The following HACD4 variants were observed in gnomAD, a reference collection of about 807,000 sequenced individuals.
HACD4 encodes 3-hydroxyacyl-CoA dehydratase 4, also known as very-long-chain (3R)-3-hydroxyacyl-CoA dehydratase 4.
HACD4 carries 35 observed loss-of-function variants against 33.3 expected under a neutral mutation model. The ratio of observed to expected loss-of-function variants is 1.05; its 90% CI spans 0.80 to 1.39. HACD4 has a LOEUF of 1.39. Ranked by LOEUF, HACD4 falls within the 40% of genes most tolerant of loss-of-function variation. The probability of loss-of-function intolerance (pLI) is 0.00; values close to 1 mark genes in which losing one functional copy is unlikely to be tolerated. For missense variants in HACD4, 323 were observed against 276.5 expected (o/e 1.17, Z -1.19); for synonymous variants, 118 against 98.0 (o/e 1.20, Z -1.21).
Position 21,003,196 on chromosome 9 carries a change from A to C in HACD4, c.*3841T>G, listed in dbSNP as rs969460669. The C allele has an allele frequency of 5.3e-5, 8 of 152,030 alleles. No homozygotes were observed. The highest frequency in any genetic ancestry group is 7.4e-5 in the Non-Finnish European group (5 of 67,962). 9.4% of individuals were successfully genotyped at this position (152,030 alleles called of 1,614,324 possible). On this transcript the variant is annotated 3_prime_UTR_variant, in exon 7 of 7. Transcript: ENST00000495827. ...TCTGTTTTAAAATAATTATAAATTC[A>C]CTTGTGTTTCTTTTGGTTTTCAATT...
Position 21,004,501 on chromosome 9 carries a change from CAATAAGAAAT to C in HACD4, c.*2526_*2535del, listed in dbSNP as rs749505085. ...TTCATAAATGGGATTAGTACCTTTA[CAATAAGAAAT>C]AAGGGAGAGATGGTTTCTCCCTCCA... On this transcript the variant is annotated 3_prime_UTR_variant, in exon 7 of 7. Coordinates refer to ENST00000495827, the MANE Select transcript of HACD4 (RefSeq NM_001010915.5). The surrounding 1 kb of genome is among the most constrained non-coding windows in gnomAD (Gnocchi z 4.6). 1 of 152,104 alleles carries C rather than the reference CAATAAGAAAT, an allele frequency of 6.6e-6. No homozygotes were observed. Among genetic ancestry groups the C allele is most frequent in the Non-Finnish European group, 1.5e-5 (1 of 68,018 alleles). 9.4% of individuals were successfully genotyped at this position (152,104 alleles called of 1,614,324 possible).
intron 3 of HACD4, among the ~76,000 whole-genome samples, chr9:21,016,216 T>A (rs7019724): frequency 2.0e-5 from 3 of 152,182 alleles, no homozygotes; most frequent in Non-Finnish European, 4.4e-5. Context: ...AAATAATATA[T>A]AATGAATGAA....
chr9:21,015,347 G>A (rs1361157082), intron 4 of HACD4: 1 of 152,184 alleles, frequency 6.6e-6, no homozygotes, highest in Non-Finnish European at 1.5e-5. Context: ...CTGAGCAAAG[G>A]GGACTGTTTG....
chr9:21,021,757 A>C (rs1817919358), intron 3 of HACD4, among the ~76,000 whole-genome samples: 1 of 152,224 alleles, frequency 6.6e-6, no homozygotes, highest in African/African-American at 2.4e-5. Context: ...AGAACATTCC[A>C]TGCTCATGGG....
rs375893397 is a variant in HACD4, at chr9:21,002,126, T to C, written c.*4911A>G. ...GACAGAGATATAAAGAGCAGAATTT[T>C]TGTATATTTTTGAAGTTCAGCTGGC... is the stretch of plus-strand genomic sequence containing the variant. On this transcript the variant is annotated 3_prime_UTR_variant, in exon 7 of 7. Transcript: ENST00000495827. 2 of 152,252 alleles carry C rather than the reference T, an allele frequency of 1.3e-5. No individual in the cohort carries two copies. The highest frequency in any genetic ancestry group is 1.9e-4 in the East Asian group (1 of 5,194). 9.4% of individuals were successfully genotyped at this position (152,252 alleles called of 1,614,324 possible).
In HACD4 at chr9:21,026,607, T is replaced by C. The variant is rs1477951153; in HGVS notation, c.259A>G (p.Arg87Gly). 3.7e-6 allele frequency: 6 copies of C among 1,611,608 alleles called. No individual in the cohort carries two copies. Among genetic ancestry groups the C allele is most frequent in the Non-Finnish European group, 8.5e-7 (1 of 1,178,992 alleles). Residue 87 changes from arginine (R) to glycine (G), a missense_variant, in exon 3 of 7, where the codon AGG becomes GGG. By Grantham distance (125) the Arg-to-Gly change is moderately radical. Transcript: ENST00000495827. ...TGATTCAAACCTACCTGCAAAAACCTTGGGAGAAGATGGTTTGACTCAATG... is the reference window on the plus strand; with the variant it reads ...TGATTCAAACCTACCTGCAAAAACCCTGGGAGAAGATGGTTTGACTCAATG... ...VGIESNHLLP[R>G]FLQLTERIII...
chr9:21,012,590 T>A (rs1842462602), intron 4 of HACD4, among the ~76,000 whole-genome samples: 1 of 152,214 alleles, frequency 6.6e-6, no homozygotes, highest in African/African-American at 2.4e-5. Flanking sequence ...TTCAAAAATG[T>A]TTTTGCATTT....
In HACD4 at chr9:21,000,193, C is replaced by T. The variant is rs541341059; in HGVS notation, c.*6844G>A. The T allele has an allele frequency of 6.6e-6, 1 of 152,078 alleles. No homozygotes were observed. The highest frequency in any genetic ancestry group is 1.5e-5 in the Non-Finnish European group (1 of 67,994). 9.4% of individuals were successfully genotyped at this position (152,078 alleles called of 1,614,324 possible). A position where few individuals can be genotyped will look rare whatever the true frequency, so the allele number is the denominator to read the frequency against. Reference sequence around the variant, plus strand: ...TTGACTTTCATATGGAATTAACTAACCTTATTTTAGATGAGATTTAAAACT... The same window carrying T: ...TTGACTTTCATATGGAATTAACTAATCTTATTTTAGATGAGATTTAAAACT... On this transcript the variant is annotated 3_prime_UTR_variant, in exon 7 of 7. Transcript: ENST00000495827.
Position 21,013,593 on chromosome 9 carries a change from G to T in HACD4, c.384-1898C>A, listed in dbSNP as rs373514135. Among the ~76,000 whole-genome samples, 86 of 152,294 alleles carry T rather than the reference G, an allele frequency of 5.6e-4. 2 individuals carry two copies. Among genetic ancestry groups the T allele is most frequent in the African/African-American group, 1.9e-3 (79 of 41,568 alleles). On this transcript the variant is annotated intron_variant, in intron 4 of 6. Coordinates refer to ENST00000495827, the MANE Select transcript of HACD4 (RefSeq NM_001010915.5). ...CACTGAATCTACAGATCAATTTGGG[G>T]AATATTGCCATCTGAACAATATTAA...
intron 3 of HACD4, among the ~76,000 whole-genome samples, chr9:21,018,660 T>C (rs1445145997): frequency 6.6e-6 from 1 of 152,104 alleles, no homozygotes; most frequent in Admixed American, 6.6e-5. Flanking sequence ...CCTGTGAAAA[T>C]ATGACAAATT....
Position 21,012,536 on chromosome 9 carries a change from C to T in HACD4, c.384-841G>A, listed in dbSNP as rs185437695. ...CTCTCTCAATCCAGGACCTGAATTC[C>T]ACCCCTCAGAGACAATAGCCAATGT... On this transcript the variant is annotated intron_variant, in intron 4 of 6. Transcript: ENST00000495827. 3.9e-5 allele frequency among the ~76,000 whole-genome samples: 6 copies of T among 152,264 alleles called. No individual in the cohort carries two copies. The East Asian group carries it at 9.7e-4, about 25-fold the overall frequency.
At chr9:21,011,990 T>C (rs1842449212) in intron 4 of HACD4, among the ~76,000 whole-genome samples, 2 of 152,248 alleles carry the variant, frequency 1.3e-5, no homozygotes, top group Admixed American at 6.5e-5. Context: ...TTCAATTTCA[T>C]TAAAAAGCCA....
At chr9:21,021,363 T>G (rs961931538) in intron 3 of HACD4, among the ~76,000 whole-genome samples, 3 of 152,178 alleles carry the variant, frequency 2.0e-5, no homozygotes, top group African/African-American at 7.2e-5. Flanking sequence ...AACATAATGT[T>G]GGAAGTTCTG....
chr9:21,030,209 G>A (rs1379273784), intron 1 of HACD4, among the ~76,000 whole-genome samples: 1 of 151,474 alleles, frequency 6.6e-6, no homozygotes, highest in Non-Finnish European at 1.5e-5. Context: ...GGGAGGCCAA[G>A]GCGGGTTGGA....
At chr9:21,018,551 G>A (rs1112166) in intron 3 of HACD4, among the ~76,000 whole-genome samples, 1 of 152,148 alleles carries the variant, frequency 6.6e-6, no homozygotes, top group African/African-American at 2.4e-5. Context: ...TGAAGAAAAG[G>A]CTTTTAATAT....
chr9:21,015,621 A>C, intron 4 of HACD4: 1 of 261,486 alleles, frequency 3.8e-6, no homozygotes, highest in Non-Finnish European at 7.2e-6. Context: ...TTTGTTAGGA[A>C]ACAGCTGAGG....
intron 3 of HACD4, among the ~76,000 whole-genome samples, chr9:21,019,192 CTG>C (rs1817835820): frequency 6.6e-6 from 1 of 152,042 alleles, no homozygotes; most frequent in Admixed American, 6.6e-5. Flanking sequence ...AGGGATATAG[CTG>C]TGAACAAGAC....
At position 21,006,947 on chromosome 9, in the gene HACD4, G is replaced by A. The variant is rs1842284537; in HGVS notation, c.*90C>T. The A allele has an allele frequency of 1.2e-6, 1 of 802,288 alleles. No homozygotes were observed. Among genetic ancestry groups the A allele is most frequent in the Non-Finnish European group, 2.2e-6 (1 of 448,562 alleles). 49.7% of individuals were successfully genotyped at this position (802,288 alleles called of 1,614,324 possible). Reference sequence around the variant, plus strand: ...GTAATGGATTTTTATCAAATACAAGGTATTTTTCCACCAGAATACTTCCTG... The same window carrying A: ...GTAATGGATTTTTATCAAATACAAGATATTTTTCCACCAGAATACTTCCTG... On this transcript the variant is annotated 3_prime_UTR_variant, in exon 7 of 7. Transcript: ENST00000495827. This position sits in a 1 kb window ranked among gnomAD's most constrained non-coding sequence, Gnocchi z 4.6.
chr9:21,023,840 G>A (rs561303552), intron 3 of HACD4, among the ~76,000 whole-genome samples: 1 of 152,296 alleles, frequency 6.6e-6, no homozygotes, highest in South Asian at 2.1e-4. Flanking sequence ...CTCCCAAAGT[G>A]CTGGGATTAC....
Sources: gnomAD v4.1 joint callset for allele counts (sites outside exome capture counted in the v4.1 genomes callset) on GRCh38, gnomAD v4.1.1 for gene constraint, Gnocchi (gnomAD v3.1) non-coding constraint, MANE v1.5 for transcripts, NCBI Gene and HGNC (gene_info 2026-07-23, HGNC 2026-07-21) for gene names.